Variants in APOO observed in about 807,000 individuals in gnomAD.
The protein encoded by APOO is apolipoprotein O, also known as MICOS complex subunit MIC26.
A neutral mutation model predicts 23.1 loss-of-function variants in APOO; 11 were observed. That is an observed-to-expected ratio of 0.48 (90% confidence interval 0.30 to 0.79). The LOEUF is 0.79. APOO is among the 30% of genes least tolerant of loss of function. The pLI, the probability that APOO is intolerant of heterozygous loss-of-function variation, is 0.07. For synonymous variants in APOO, 59 were observed against 54.8 expected (o/e 1.08, Z -0.34); for missense variants, 160 against 142.7 (o/e 1.12, Z -0.62).
chrX:23,860,768 T>C (rs935072981), intron 5 of APOO, among the ~76,000 whole-genome samples: 66 of 104,712 alleles, frequency 6.3e-4, no homozygotes, highest in Non-Finnish European at 6.7e-4. Flanking sequence ...GCAATCCACC[T>C]GCCTCAGCCT....
In APOO at chrX:23,840,295, A is replaced by G; in HGVS notation, c.*29+18T>C. 1 of 1,095,496 alleles carries G rather than the reference A, an allele frequency of 9.1e-7. No individual in the cohort carries two copies. Among genetic ancestry groups the G allele is most frequent in the Non-Finnish European group, 1.2e-6 (1 of 822,067 alleles). The allele number at this position is 1,095,496 out of a possible 1,213,427, so 90.3% of individuals were successfully genotyped here. A position where few individuals can be genotyped will look rare whatever the true frequency, so the allele number is the denominator to read the frequency against. On this transcript the variant is annotated intron_variant, in intron 8 of 8. Coordinates refer to ENST00000379226, the MANE Select transcript of APOO (RefSeq NM_024122.5). ...ACTACAATGCTGAAAATAATCACAGAAATTTCTTGTTTTTTACCTGATTAA... is the reference window on the plus strand; with the variant it reads ...ACTACAATGCTGAAAATAATCACAGGAATTTCTTGTTTTTTACCTGATTAA...
At chrX:23,879,656 A>G (rs1236710229) in intron 2 of APOO, among the ~76,000 whole-genome samples, 1 of 112,048 alleles carries the variant, frequency 8.9e-6, no homozygotes, top group African/African-American at 3.2e-5. Context: ...ATTCCACCTT[A>G]GATTGAGCTT....
At chrX:23,896,558 T>C (rs1413386320) in intron 1 of APOO, among the ~76,000 whole-genome samples, 1 of 111,883 alleles carries the variant, frequency 8.9e-6, no homozygotes, top group East Asian at 2.8e-4. Context: ...TTTGATGCAT[T>C]CATTTGAATG....
At chrX:23,862,096 A>G (rs1925077983) in intron 5 of APOO, among the ~76,000 whole-genome samples, 1 of 111,004 alleles carries the variant, frequency 9.0e-6, no homozygotes, top group Admixed American at 9.8e-5. Flanking sequence ...AAGAGTTCTT[A>G]TTAGCATTTC....
Position 23,856,489 on chromosome X carries a change from T to C in APOO, c.481-107A>G, listed in dbSNP as rs1355930714. The C allele has an allele frequency of 5.1e-6, 3 of 593,404 alleles. No individual in the cohort carries two copies. In the African/African-American group the frequency reaches 6.9e-5, roughly 14 times the overall value. The allele number at this position is 593,404 out of a possible 1,213,427, so 48.9% of individuals were successfully genotyped here. ...TACTATAAAGATATATGCATGCATA[T>C]GTTCATCATAGCACTATGCATAATA... On this transcript the variant is annotated intron_variant, in intron 6 of 8. Coordinates refer to ENST00000379226, the MANE Select transcript of APOO (RefSeq NM_024122.5).
At chrX:23,874,347 TAA>T (rs1284506580) in intron 4 of APOO, 54 bp downstream of exon 4, 17 of 1,006,316 alleles carry the variant, frequency 1.7e-5, no homozygotes, top group Non-Finnish European at 2.4e-5. Flanking sequence ...GAACTCCGAT[TAA>T]AGAGTTCAAT....
At chrX:23,843,579 CTTTTTTTT>C (rs747271141) in intron 7 of APOO, among the ~76,000 whole-genome samples, 11 of 61,729 alleles carry the variant, frequency 1.8e-4, no homozygotes, top group South Asian at 1.4e-3. Flanking sequence ...ATGACAATTT[CTTTTTTTT>C]TTTTTTTTTT....
intron 2 of APOO, among the ~76,000 whole-genome samples, 170 bp from the exon 3 acceptor site, chrX:23,879,204 G>A (rs1229242525): frequency 1.8e-5 from 2 of 111,936 alleles, no homozygotes; most frequent in Admixed American, 1.9e-4. Flanking sequence ...GAGAAGCCAG[G>A]GCAGGCGGAT....
chrX:23,888,431 G>C (rs1488939957), intron 1 of APOO, among the ~76,000 whole-genome samples: 1 of 112,173 alleles, frequency 8.9e-6, no homozygotes, highest in Non-Finnish European at 1.9e-5. Flanking sequence ...CCCACATCAT[G>C]TCAGACATGG....
At chrX:23,843,172 A>G (rs1040958887) in intron 7 of APOO, among the ~76,000 whole-genome samples, 1 of 112,259 alleles carries the variant, frequency 8.9e-6, no homozygotes, top group African/African-American at 3.2e-5. Context: ...ATAAGATGCT[A>G]AATTCACAAG....
chrX:23,854,760 T>G (rs780964041), intron 7 of APOO, among the ~76,000 whole-genome samples: 1 of 110,533 alleles, frequency 9.0e-6, no homozygotes, highest in East Asian at 2.8e-4. Flanking sequence ...CGACCTCAGG[T>G]GCTCCACCCG....
At chrX:23,895,917 C>A (rs765045610) in intron 1 of APOO, among the ~76,000 whole-genome samples, 4 of 108,385 alleles carry the variant, frequency 3.7e-5, no homozygotes, top group African/African-American at 1.3e-4. Flanking sequence ...ATGATTCCAC[C>A]GAGTTTTTTG....
At chrX:23,834,395 CAA>C (rs1215835629) in intron 8 of APOO, among the ~76,000 whole-genome samples, 15 of 31,896 alleles carry the variant, frequency 4.7e-4, no homozygotes, top group Non-Finnish European at 1.9e-4. Flanking sequence ...AACTCTGTCT[CAA>C]AAAAAAAAAA....
At chrX:23,877,948 G>T (rs758232176) in intron 3 of APOO, among the ~76,000 whole-genome samples, 1 of 111,622 alleles carries the variant, frequency 9.0e-6, no homozygotes, top group Non-Finnish European at 1.9e-5. Context: ...GATTGTAAAC[G>T]TTGGTTACTG....
chrX:23,866,195 G>A (rs890836254), intron 5 of APOO, among the ~76,000 whole-genome samples: 4 of 111,751 alleles, frequency 3.6e-5, no homozygotes, highest in Admixed American at 2.9e-4. Context: ...TCTCCCTAAC[G>A]ATAGCTGAAA....
chrX:23,896,344 G>T (rs940488008), intron 1 of APOO, among the ~76,000 whole-genome samples: 6 of 111,112 alleles, frequency 5.4e-5, no homozygotes. Flanking sequence ...TCTATTTCCT[G>T]AAGTTTTTAC....
At chrX:23,838,479 C>T (rs892586106) in intron 8 of APOO, among the ~76,000 whole-genome samples, 4 of 108,244 alleles carry the variant, frequency 3.7e-5, no homozygotes, top group Non-Finnish European at 7.6e-5. Context: ...TGCAATGGCA[C>T]GATCTCGGCT....
At position 23,892,725 on chromosome X, in the gene APOO, G is replaced by A. The variant is rs2707147; in HGVS notation, c.10-11773C>T. On this transcript the variant is annotated intron_variant, in intron 1 of 8. Transcript: ENST00000379226. ...GGAGCTTGCAGTGAGCCAAGATCGC[G>A]CCACTGCACTCCAACCTGGGCGACA... Among the ~76,000 whole-genome samples, 548 of 102,389 alleles carry A rather than the reference G, an allele frequency of 5.4e-3. 1 individual carries two copies. Among genetic ancestry groups the A allele is most frequent in the Non-Finnish European group, 8.7e-3 (442 of 50,515 alleles). The allele number at this position is 102,389 out of a possible 115,157, so 88.9% of individuals were successfully genotyped here. A position where few individuals can be genotyped will look rare whatever the true frequency, so the allele number is the denominator to read the frequency against.
chrX:23,846,921 C>A (rs1391800597), intron 7 of APOO, among the ~76,000 whole-genome samples: 1 of 111,450 alleles, frequency 9.0e-6, no homozygotes, highest in Non-Finnish European at 1.9e-5. Flanking sequence ...AAAAGACAAG[C>A]CATATTGAGA....
Sources: gnomAD v4.1 joint callset for allele counts (sites outside exome capture counted in the v4.1 genomes callset) on GRCh38, gnomAD v4.1.1 for gene constraint, MANE v1.5 for transcripts, NCBI Gene and HGNC (gene_info 2026-07-23, HGNC 2026-07-21) for gene names.